Variants in NRL observed in about 807,000 individuals in gnomAD.
The protein encoded by NRL is neural retina-specific leucine zipper protein.
In NRL, 16 loss-of-function variants were observed where a neutral mutation model predicts 12.5. The observed-to-expected ratio is 1.28, with a 90% CI of 0.87 to 1.95. NRL has a LOEUF of 1.95. Ranked by LOEUF, NRL falls within the 30% of genes most tolerant of loss-of-function variation. The pLI is 0.00. For missense variants in NRL, 314 were observed against 325.8 expected, an observed-to-expected ratio of 0.96 and a Z score of 0.28; for synonymous variants, 142 against 150.9, an observed-to-expected ratio of 0.94 and a Z score of 0.43.
Position 24,081,388 on chromosome 14 carries a change from C to CA in NRL, c.561_562insT (p.Glu188Ter), listed in dbSNP as rs1566558906. The CA allele has an allele frequency of 6.8e-7, 1 of 1,470,922 alleles. No homozygotes were observed. Among genetic ancestry groups the CA allele is most frequent in the Non-Finnish European group, 9.0e-7 (1 of 1,113,794 alleles). The allele number at this position is 1,470,922 out of a possible 1,614,324, so 91.1% of individuals were successfully genotyped here. A position where few individuals can be genotyped will look rare whatever the true frequency, so the allele number is the denominator to read the frequency against. Reference sequence around the variant, plus strand: ...GCGGCCAGGCGGGCGCGCTCGGCCTCCAGCCCGCGCCGCTGCTGCAGCCGC... The same window carrying CA: ...GCGGCCAGGCGGGCGCGCTCGGCCTCACAGCCCGCGCCGCTGCTGCAGCCGC... On this transcript the variant is annotated frameshift_variant, in exon 3 of 3. Transcript: ENST00000561028. LOFTEE classifies it high-confidence loss of function. The surrounding 1 kb of genome is among the most constrained non-coding windows in gnomAD (Gnocchi z 4.4).
At chr14:24,105,851 G>C (rs1203755675) in intron 1 of NRL, among the ~76,000 whole-genome samples, 1 of 152,206 alleles carries the variant, frequency 6.6e-6, no homozygotes, top group Non-Finnish European at 1.5e-5. Flanking sequence ...GTTGCAGTAA[G>C]CCTAGATCAT....
intron 1 of NRL, among the ~76,000 whole-genome samples, chr14:24,111,272 C>T (rs1206993397): frequency 6.6e-6 from 1 of 152,254 alleles, no homozygotes; most frequent in African/African-American, 2.4e-5. Context: ...AGCCACCGTG[C>T]CCAGCTCACT....
In NRL at chr14:24,082,894, G is replaced by A; in HGVS notation, c.-27-19C>T. 6.3e-7 allele frequency: 1 copy of A among 1,577,664 alleles called. No homozygotes were observed. On this transcript the variant is annotated intron_variant, in intron 1 of 2. Coordinates refer to ENST00000561028, the MANE Select transcript of NRL (RefSeq NM_001354768.3). Reference sequence around the variant, plus strand: ...AGTGCACCTGCAAAGAGGAGGAGAGGTCTGGAGCACATGGAGGCCACCTGC... The same window carrying A: ...AGTGCACCTGCAAAGAGGAGGAGAGATCTGGAGCACATGGAGGCCACCTGC...
chr14:24,103,010 T>A, intron 1 of NRL: 1 of 1,279,516 alleles, frequency 7.8e-7, no homozygotes, highest in Non-Finnish European at 1.1e-6. Flanking sequence ...AGTTCTCCCC[T>A]GGTGAATGCA....
chr14:24,100,947 C>A (rs1206198022), intron 1 of NRL, among the ~76,000 whole-genome samples: 1 of 152,160 alleles, frequency 6.6e-6, no homozygotes, highest in African/African-American at 2.4e-5. Flanking sequence ...CTTTCCATGG[C>A]CTTCTGCAGT....
chr14:24,096,314 C>G (rs1182470950), intron 1 of NRL, among the ~76,000 whole-genome samples: 1 of 137,882 alleles, frequency 7.3e-6, no homozygotes, highest in Non-Finnish European at 1.5e-5. Flanking sequence ...TCTCGGCTCA[C>G]TGCAACCTCC....
At chr14:24,113,396 C>T (rs2139001029) in intron 1 of NRL, among the ~76,000 whole-genome samples, 1 of 152,184 alleles carries the variant, frequency 6.6e-6, no homozygotes, top group Admixed American at 6.5e-5. Context: ...AAAAATGATT[C>T]CGTCACATTC....
In NRL at chr14:24,082,841, AG is replaced by A. The variant is rs767703333; in HGVS notation, c.7del (p.Leu3CysfsTer16). The A allele has an allele frequency of 1.2e-6, 2 of 1,611,902 alleles. No individual in the cohort carries two copies. The highest frequency in any genetic ancestry group is 2.2e-5 in the South Asian group (2 of 91,050). ...TTCCATGGCCAGGGGGCTGGGGGGC[AG>A]GGCCATTCTGGAGCTGGGCTGGGAG... MA[L>X]PPSPLAMEYV... is the part of the protein sequence containing the mutation. On this transcript the variant is annotated frameshift_variant, in exon 2 of 3. Coordinates refer to ENST00000561028, the MANE Select transcript of NRL (RefSeq NM_001354768.3). LOFTEE classifies it high-confidence loss of function.
At chr14:24,083,899 T>C (rs2036397272) in intron 1 of NRL, among the ~76,000 whole-genome samples, 2 of 152,196 alleles carry the variant, frequency 1.3e-5, no homozygotes, top group South Asian at 4.1e-4. Context: ...TCCTGTCTGT[T>C]ATCAATCATG....
Position 24,094,273 on chromosome 14 carries a change from C to A in NRL, c.-27-11398G>T. On this transcript the variant is annotated intron_variant, in intron 1 of 2. Coordinates refer to ENST00000561028, the MANE Select transcript of NRL (RefSeq NM_001354768.3). This position sits in a 1 kb window ranked among gnomAD's most constrained non-coding sequence, Gnocchi z 4.1. ...CTACCAGGTTCCGCCCCCGCGCCTGCCCCCCTCCTTTTTAAGCGCCTCCCG... is the reference window on the plus strand; with the variant it reads ...CTACCAGGTTCCGCCCCCGCGCCTGACCCCCTCCTTTTTAAGCGCCTCCCG... 1 of 805,816 alleles carries A rather than the reference C, an allele frequency of 1.2e-6. No homozygotes were observed. The allele number at this position is 805,816 out of a possible 1,614,324, so 49.9% of individuals were successfully genotyped here.
chr14:24,114,616 A>C, intron 1 of NRL, 106 bp downstream of exon 1: 2 of 936,368 alleles, frequency 2.1e-6, no homozygotes, highest in Non-Finnish European at 2.5e-6. Flanking sequence ...TCTCTGATTC[A>C]GGAAGCTGGC....
chr14:24,095,604 G>T (rs1324713013), intron 1 of NRL, among the ~76,000 whole-genome samples: 1 of 152,104 alleles, frequency 6.6e-6, no homozygotes, highest in Non-Finnish European at 1.5e-5. Flanking sequence ...CCTCTAGGAA[G>T]AAGAGCCAGG....
At chr14:24,088,627 T>C (rs143627385) in intron 1 of NRL, among the ~76,000 whole-genome samples, 2 of 152,112 alleles carry the variant, frequency 1.3e-5, no homozygotes, top group Admixed American at 6.5e-5. Context: ...ATATTTTGTG[T>C]AACAGTTTGT....
At chr14:24,093,989 G>A (rs2036726016) in intron 1 of NRL, 1 of 510,312 alleles carries the variant, frequency 2.0e-6, no homozygotes, top group East Asian at 3.5e-5. Context: ...CTCGTTCCTA[G>A]CTTGTTTGCC....
At chr14:24,105,272 C>T (rs904697020) in intron 1 of NRL, among the ~76,000 whole-genome samples, 5 of 152,194 alleles carry the variant, frequency 3.3e-5, no homozygotes, top group African/African-American at 1.2e-4. Context: ...CAGGGTGGGC[C>T]ATGTGTTCCT....
chr14:24,114,740 C>T lies in NRL; in HGVS notation c.-46G>A. ...CGCCTACCTATCAATCATCGTGCTC[C>T]GCTGTCCAGTTGGCTGGCCAAGGGG... is the stretch of plus-strand genomic sequence containing the variant. On this transcript the variant is annotated 5_prime_UTR_variant, in exon 1 of 3. Coordinates refer to ENST00000561028, the MANE Select transcript of NRL (RefSeq NM_001354768.3). 1 of 985,984 alleles carries T rather than the reference C, an allele frequency of 1.0e-6. No individual in the cohort carries two copies. The highest frequency in any genetic ancestry group is 1.2e-6 in the Non-Finnish European group (1 of 829,980). The allele number at this position is 985,984 out of a possible 1,614,324, so 61.1% of individuals were successfully genotyped here. A position where few individuals can be genotyped will look rare whatever the true frequency, so the allele number is the denominator to read the frequency against.
intron 1 of NRL, among the ~76,000 whole-genome samples, chr14:24,104,615 T>C (rs1218110556): frequency 1.4e-5 from 2 of 140,608 alleles, no homozygotes; most frequent in African/African-American, 5.5e-5. Flanking sequence ...CACTCCAGTC[T>C]GGGCAACAGA....
intron 1 of NRL, among the ~76,000 whole-genome samples, chr14:24,087,016 G>C (rs1255346607): frequency 1.3e-5 from 2 of 152,176 alleles, no homozygotes; most frequent in African/African-American, 4.8e-5. Context: ...AGACTAATGG[G>C]CTCAAGGACA....
intron 1 of NRL, chr14:24,103,456 C>A: frequency 6.8e-7 from 1 of 1,472,982 alleles, no homozygotes; most frequent in South Asian, 1.3e-5. Flanking sequence ...GCAGGGTGCC[C>A]TTCCCTACCC....
Sources: allele counts gnomAD v4.1 joint callset (sites outside exome capture counted in the v4.1 genomes callset), GRCh38; gene constraint gnomAD v4.1.1; non-coding constraint Gnocchi (gnomAD v3.1); transcripts MANE v1.5; gene names NCBI Gene and HGNC (gene_info 2026-07-23, HGNC 2026-07-21).